Variants in SPATA6 observed in about 807,000 individuals in gnomAD.
The protein encoded by SPATA6 is spermatogenesis-associated protein 6.
Under a neutral mutation model 65.3 loss-of-function variants are expected in SPATA6, and 56 were observed. The ratio of observed to expected loss-of-function variants is 0.86; its 90% CI spans 0.69 to 1.07. The LOEUF (loss-of-function observed/expected upper bound fraction) is 1.07. Ranked by LOEUF, SPATA6 falls within the 50% of genes least tolerant of loss-of-function variation. SPATA6 has a pLI of 0.00. For missense variants in SPATA6, 590 were observed against 594.8 expected, an observed-to-expected ratio of 0.99 and a Z score of 0.08; for synonymous variants, 199 against 213.2, an observed-to-expected ratio of 0.93 and a Z score of 0.58.
At chr1:48,283,887 G>C in the SPATA6 span, among the ~76,000 whole-genome samples, 19 of 152,088 alleles carry the variant, frequency 1.2e-4, no homozygotes, top group Admixed American at 3.9e-4. Flanking sequence ...CAACCACGGT[G>C]AATCTGACAA....
chr1:48,454,515 C>T (rs977266664), intron 1 of SPATA6, among the ~76,000 whole-genome samples: 1 of 152,146 alleles, frequency 6.6e-6, no homozygotes, highest in Non-Finnish European at 1.5e-5. Context: ...TTATTATGAA[C>T]TTACTATATG....
chr1:48,448,577 C>G (rs372346874), intron 3 of SPATA6, among the ~76,000 whole-genome samples: 51 of 152,114 alleles, frequency 3.4e-4, no homozygotes, highest in African/African-American at 1.2e-3. Context: ...CACATATCCA[C>G]ATACTCATAC....
At chr1:48,299,516 G>GAAAAGAAAAAAAAA (rs1553139567) in intron 12 of SPATA6, among the ~76,000 whole-genome samples, 1 of 38,188 alleles carries the variant, frequency 2.6e-5, no homozygotes, top group Non-Finnish European at 4.8e-5. Flanking sequence ...CTCCGTCTCG[G>GAAAAGAAAAAAAAA]AAAAAAAAAA....
intron 6 of SPATA6, among the ~76,000 whole-genome samples, chr1:48,403,139 G>T (rs1416523200): frequency 6.6e-6 from 1 of 152,090 alleles, no homozygotes; most frequent in Non-Finnish European, 1.5e-5. Flanking sequence ...TCTACCCTGG[G>T]CAACAGAGTG....
intron 11 of SPATA6, among the ~76,000 whole-genome samples, chr1:48,317,528 G>A (rs1340938403): frequency 6.6e-6 from 1 of 152,046 alleles, no homozygotes; most frequent in Non-Finnish European, 1.5e-5. Flanking sequence ...GGCCTGTTGT[G>A]GGGTGGGGGG....
At chr1:48,419,032 C>T (rs1419746721) in intron 3 of SPATA6, among the ~76,000 whole-genome samples, 2 of 152,104 alleles carry the variant, frequency 1.3e-5, no homozygotes, top group Non-Finnish European at 1.5e-5. Flanking sequence ...TACTCTGCAA[C>T]CTCAACTATT....
chr1:48,355,850 T>C (rs1312151463), intron 10 of SPATA6, 81 bp from the exon 11 acceptor site: 1 of 1,078,748 alleles, frequency 9.3e-7, no homozygotes, highest in East Asian at 2.5e-5. Context: ...TTTCACAGTA[T>C]GTTCAACAAA....
At chr1:48,369,510 C>A (rs541352603) in intron 9 of SPATA6, among the ~76,000 whole-genome samples, 1 of 152,294 alleles carries the variant, frequency 6.6e-6, no homozygotes, top group Non-Finnish European at 1.5e-5. Context: ...CTGGCTGCCG[C>A]CTTGCAGTTT....
chr1:48,401,928 T>C (rs1200621708), intron 6 of SPATA6, among the ~76,000 whole-genome samples: 1 of 152,154 alleles, frequency 6.6e-6, no homozygotes, highest in East Asian at 1.9e-4. Flanking sequence ...AACTATTTAA[T>C]AATGAATTCC....
chr1:48,348,452 A>G (rs1007416220), intron 11 of SPATA6, among the ~76,000 whole-genome samples: 1 of 151,946 alleles, frequency 6.6e-6, no homozygotes, highest in African/African-American at 2.4e-5. Context: ...CCAGAGGCTC[A>G]TTTAGATTGG....
the SPATA6 span, chr1:48,262,886 A>G: frequency 2.0e-5 from 3 of 152,190 alleles, no homozygotes; most frequent in Non-Finnish European, 4.4e-5. Flanking sequence ...AGAAAACCTG[A>G]TATAAAACAA....
intron 11 of SPATA6, among the ~76,000 whole-genome samples, chr1:48,328,982 A>T (rs2148724095): frequency 1.3e-5 from 2 of 152,308 alleles, no homozygotes; most frequent in South Asian, 4.1e-4. Context: ...TCTATATTGT[A>T]CACTTGTTAA....
At chr1:48,345,559 G>GT (rs532083431) in intron 11 of SPATA6, among the ~76,000 whole-genome samples, 6 of 152,076 alleles carry the variant, frequency 3.9e-5, no homozygotes, top group Non-Finnish European at 7.4e-5. Flanking sequence ...TCCAGGAGCT[G>GT]TTTTTCTGAA....
At chr1:48,378,104 C>A (rs994949517) in intron 9 of SPATA6, among the ~76,000 whole-genome samples, 1 of 152,178 alleles carries the variant, frequency 6.6e-6, no homozygotes, top group Non-Finnish European at 1.5e-5. Flanking sequence ...TAATTAAAAA[C>A]TAAATTTCTA....
At position 48,427,701 on chromosome 1, in the gene SPATA6, T is replaced by C. The variant is rs1350039655; in HGVS notation, c.239-14550A>G. ...GGCTAGGGCCATCAAACCCACACAC[T>C]GTTGAAAACCTCCATATAACTTTTT... On this transcript the variant is annotated intron_variant, in intron 3 of 12. Transcript: ENST00000371847. Among the ~76,000 whole-genome samples the C allele has an allele frequency of 1.3e-5, 2 of 152,192 alleles. 1 individual carries two copies. The highest frequency in any genetic ancestry group is 4.8e-5 in the African/African-American group (2 of 41,444).
chr1:48,393,855 G>A (rs982352045), intron 8 of SPATA6, among the ~76,000 whole-genome samples: 1 of 152,026 alleles, frequency 6.6e-6, no homozygotes, highest in African/African-American at 2.4e-5. Context: ...TGGTATATTT[G>A]CTTGTAAGGA....
At chr1:48,313,576 G>A (rs1488680738) in intron 11 of SPATA6, among the ~76,000 whole-genome samples, 1 of 152,246 alleles carries the variant, frequency 6.6e-6, no homozygotes, top group South Asian at 2.1e-4. Context: ...ACTGGTACCA[G>A]CCACTGCAAA....
At chr1:48,413,430 C>T (rs1570493723) in intron 3 of SPATA6, among the ~76,000 whole-genome samples, 1 of 148,536 alleles carries the variant, frequency 6.7e-6, no homozygotes, top group East Asian at 2.0e-4. Context: ...GCTGGGACTA[C>T]AGGTATGCGC....
chr1:48,368,404 T>C (rs969987665), intron 9 of SPATA6, among the ~76,000 whole-genome samples: 2 of 152,210 alleles, frequency 1.3e-5, no homozygotes, highest in African/African-American at 2.4e-5. Context: ...CAACTTGGTT[T>C]CATTCTCCCC....
Sources: allele counts gnomAD v4.1 joint callset (sites outside exome capture counted in the v4.1 genomes callset), GRCh38; gene constraint gnomAD v4.1.1; transcripts MANE v1.5; gene names NCBI Gene and HGNC (gene_info 2026-07-23, HGNC 2026-07-21).